ITPRID2: variants seen among roughly 807,000 people sequenced by gnomAD.
ITPRID2 encodes the protein protein ITPRID2.
A neutral mutation model predicts 124.3 loss-of-function variants in ITPRID2; 60 were observed. That is an observed-to-expected ratio of 0.48 (90% CI 0.39 to 0.60). The LOEUF is 0.60. ITPRID2 is among the 20% of genes least tolerant of loss of function. The probability of loss-of-function intolerance (pLI) is 0.00; values close to 1 mark genes in which losing one functional copy is unlikely to be tolerated. For synonymous variants in ITPRID2, 521 were observed against 542.9 expected (o/e 0.96, Z 0.56); for missense variants, 1,553 against 1,512.2 (o/e 1.03, Z -0.45).
rs369300058 is a variant in ITPRID2, at chr2:181,918,840, G to T, written c.2951G>T (p.Arg984Leu). The T allele has an allele frequency of 2.5e-6, 4 of 1,614,056 alleles. No homozygotes were observed. Among genetic ancestry groups the T allele is most frequent in the Non-Finnish European group, 3.4e-6 (4 of 1,180,024 alleles). The change falls in exon 13 of 18, where the codon CGT (arginine) becomes CTT (leucine). Residue 984 changes from arginine (R) to leucine (L), a missense_variant. Transcript: ENST00000431877. ...QMMDLELAML[R>L]QQTMVYHHMT... ...ATGGATTTAGAATTGGCAATGCTGC[G>T]TCAGCAAACCATGGTTTATCATCAT...
At chr2:181,923,600 A>G (rs1166696989) in intron 16 of ITPRID2, among the ~76,000 whole-genome samples, 1 of 152,206 alleles carries the variant, frequency 6.6e-6, no homozygotes. Flanking sequence ...TTTATATCAA[A>G]GATTAGTTTT....
intron 4 of ITPRID2, among the ~76,000 whole-genome samples, chr2:181,898,617 G>A (rs550121011): frequency 2.6e-5 from 4 of 151,808 alleles, no homozygotes; most frequent in East Asian, 1.9e-4. Flanking sequence ...TTCCCTATAC[G>A]TTTTTTTATT....
At chr2:181,926,484 C>T (rs188173030) in intron 16 of ITPRID2, among the ~76,000 whole-genome samples, 168 of 151,986 alleles carry the variant, frequency 1.1e-3, no homozygotes, top group African/African-American at 3.8e-3. Context: ...GAGGCCAAGG[C>T]GGGTGGATCA....
Position 181,930,405 on chromosome 2 carries a change from TCATA to T in ITPRID2, c.*863_*866del, listed in dbSNP as rs1044282605. 6.5e-5 allele frequency: 10 copies of T among 152,684 alleles called. No homozygotes were observed. The highest frequency in any genetic ancestry group is 2.4e-4 in the African/African-American group (10 of 41,574). The allele number at this position is 152,684 out of a possible 1,614,324, so 9.5% of individuals were successfully genotyped here. ...TGGAAGTAATTTAGATTTGTTCTCC[TCATA>T]CATAAAATGATTTTAGTTCAGTTTT... On this transcript the variant is annotated 3_prime_UTR_variant, in exon 18 of 18. Transcript: ENST00000431877.
Position 181,919,361 on chromosome 2 carries a change from T to A in ITPRID2, c.3059T>A (p.Leu1020Gln). The A allele has an allele frequency of 6.2e-7, 1 of 1,614,152 alleles. No individual in the cohort carries two copies. The highest frequency in any genetic ancestry group is 8.5e-7 in the Non-Finnish European group (1 of 1,180,022). Residue 1020 changes from leucine to glutamine, a missense_variant, in exon 14 of 18, where the codon CTG (leucine) becomes CAG (glutamine). By Grantham distance (113) the Leu-to-Gln change is moderately radical (BLOSUM62 -2). Transcript: ENST00000431877. This position sits in a 1 kb window ranked among gnomAD's most constrained non-coding sequence, Gnocchi z 4.2. ...SVRMELQDLE[L>Q]QLEERLLGLE... ...CGAATGGAACTTCAGGACCTGGAAC[T>A]GCAGCTGGAGGAGCGCCTGCTGGGC...
At position 181,892,231 on chromosome 2, in the gene ITPRID2, G is replaced by C. The variant is rs762658909; in HGVS notation, c.165G>C (p.Glu55Asp). The C allele has an allele frequency of 4.5e-6, 7 of 1,550,846 alleles. No homozygotes were observed. In the Admixed American group the frequency reaches 1.2e-4, roughly 26 times the overall value. ...CGACGCAGGACGAGGAGGAGGACGA[G>C]GAGGAGGACCTCCCCGGCGCGCAGC... is the stretch of plus-strand genomic sequence containing the variant. ...EATTQDEEED[E>D]EEDLPGAQLP... The change falls in exon 1 of 18, where the codon GAG (glutamate) becomes GAC (aspartate). Residue 55 changes from glutamate (E) to aspartate (D), a missense_variant. Physicochemically the swap from Glu to Asp is conservative, Grantham distance 45 (BLOSUM62 2). Transcript: ENST00000431877. The surrounding 1 kb of genome is among the most constrained non-coding windows in gnomAD (Gnocchi z 5.2).
rs926507085 is a variant in ITPRID2 at position 181,919,805 on chromosome 2, G to GT, written c.3144+368dup. ...AGAGAACACAGATGCATATTTTGCT[G>GT]TTTTTTTTTCTTTCATGCCTTTAAA... On this transcript the variant is annotated intron_variant, in intron 14 of 17. Coordinates refer to ENST00000431877, the MANE Select transcript of ITPRID2 (RefSeq NM_001130445.3). This position sits in a 1 kb window ranked among gnomAD's most constrained non-coding sequence, Gnocchi z 4.2. Among the ~76,000 whole-genome samples the GT allele has an allele frequency of 1.2e-4, 18 of 149,298 alleles. No homozygotes were observed. The highest frequency in any genetic ancestry group is 2.0e-4 in the Admixed American group (3 of 15,018).
chr2:181,895,292 G>C (rs1481231190), intron 2 of ITPRID2, among the ~76,000 whole-genome samples: 1 of 151,930 alleles, frequency 6.6e-6, no homozygotes, highest in Non-Finnish European at 1.5e-5. Flanking sequence ...AGAATTAAAA[G>C]TGTTTATTTT....
At chr2:181,926,766 TGAA>T (rs1694900650) in intron 16 of ITPRID2, among the ~76,000 whole-genome samples, 1 of 151,280 alleles carries the variant, frequency 6.6e-6, no homozygotes, top group African/African-American at 2.4e-5. Flanking sequence ...TTTTGAGTGA[TGAA>T]GAATAATGAG....
intron 9 of ITPRID2, 143 bp from the exon 10 acceptor site, chr2:181,913,702 T>C: frequency 1.8e-6 from 1 of 545,506 alleles, no homozygotes. Flanking sequence ...TGCATATTTT[T>C]CTAAGAAGCA....
At position 181,898,710 on chromosome 2, in the gene ITPRID2, C is replaced by T. The variant is rs1692412612; in HGVS notation, c.365-170C>T. The T allele has an allele frequency of 4.8e-6, 3 of 620,318 alleles. No homozygotes were observed. The East Asian group carries it at 8.1e-5, about 17-fold the overall frequency. The allele number at this position is 620,318 out of a possible 1,614,324, so 38.4% of individuals were successfully genotyped here. On this transcript the variant is annotated intron_variant, in intron 4 of 17. Transcript: ENST00000431877. ...CAAAAGCTCCTGGCCCTGTTCTTAT[C>T]TATCTGTATATCACTTTTAATAATG...
At chr2:181,918,150 C>T (rs1000308719) in intron 11 of ITPRID2, 4 of 250,254 alleles carry the variant, frequency 1.6e-5, no homozygotes, top group Non-Finnish European at 2.5e-5. Flanking sequence ...CTGGGAATAC[C>T]TTTTATGTTT....
At position 181,896,165 on chromosome 2, in the gene ITPRID2, A is replaced by G. The variant is rs1574198397; in HGVS notation, c.307+86A>G. On this transcript the variant is annotated intron_variant, in intron 3 of 17. Transcript: ENST00000431877. The surrounding 1 kb of genome is among the most constrained non-coding windows in gnomAD (Gnocchi z 4.3). Reference sequence around the variant, plus strand: ...GGGTAAAAGTGTATATATGACTTATAAAAGTGATATTCATGTTTATAGTAT... The same window carrying G: ...GGGTAAAAGTGTATATATGACTTATGAAAGTGATATTCATGTTTATAGTAT... 1 of 1,186,388 alleles carries G rather than the reference A, an allele frequency of 8.4e-7. No homozygotes were observed. Among genetic ancestry groups the G allele is most frequent in the South Asian group, 1.3e-5 (1 of 77,880 alleles). The allele number at this position is 1,186,388 out of a possible 1,614,324, so 73.5% of individuals were successfully genotyped here.
chr2:181,905,055 C>CTTTT lies in ITPRID2; in HGVS notation c.1413+2602_1413+2605dup, dbSNP rs869067212. Among the ~76,000 whole-genome samples, 1 of 136,420 alleles carries CTTTT rather than the reference C, an allele frequency of 7.3e-6. No homozygotes were observed. The highest frequency in any genetic ancestry group is 2.7e-5 in the African/African-American group (1 of 37,006). 89.5% of individuals were successfully genotyped at this position (136,420 alleles called of 152,430 possible). ...ATGAATGTTTATAACGATGTTTTTT[C>CTTTT]TTTTTTTTTTTTTTTTGAGACGGAG... On this transcript the variant is annotated intron_variant, in intron 8 of 17. Transcript: ENST00000431877. This position sits in a 1 kb window ranked among gnomAD's most constrained non-coding sequence, Gnocchi z 4.1.
chr2:181,895,416 A>G (rs1008172890), intron 2 of ITPRID2, among the ~76,000 whole-genome samples: 2 of 152,114 alleles, frequency 1.3e-5, no homozygotes, highest in African/African-American at 4.8e-5. Context: ...AGTAATTTTC[A>G]AAGTTAAATG....
intron 8 of ITPRID2, among the ~76,000 whole-genome samples, chr2:181,908,483 C>T (rs1693333612): frequency 6.6e-6 from 1 of 152,138 alleles, no homozygotes; most frequent in Non-Finnish European, 1.5e-5. Context: ...ACATTGTTCC[C>T]TTGCATACAA....
At chr2:181,922,950 T>G (rs75392813) in intron 16 of ITPRID2, among the ~76,000 whole-genome samples, 5,584 of 152,218 alleles carry the variant, frequency 0.037, 142 homozygotes, top group South Asian at 0.1. Context: ...ATTTTATAAT[T>G]ACAATTGATA....
Position 181,918,868 on chromosome 2 carries a change from G to C in ITPRID2, c.2979G>C (p.Met993Ile), listed in dbSNP as rs760294983. ...LRQQTMVYHH[M>I]TEEERFEVDQ... ...AGCAAACCATGGTTTATCATCATATGACTGAGGAGGAGAGGTAAAAGTTCA... is the reference window on the plus strand; with the variant it reads ...AGCAAACCATGGTTTATCATCATATCACTGAGGAGGAGAGGTAAAAGTTCA... The change falls in exon 13 of 18, where the codon ATG becomes ATC. Residue 993 changes from methionine to isoleucine, a missense_variant. Met to Ile is a conservative substitution (Grantham distance 10). Coordinates refer to ENST00000431877, the MANE Select transcript of ITPRID2 (RefSeq NM_001130445.3). 6.2e-7 allele frequency: 1 copy of C among 1,614,074 alleles called. No homozygotes were observed. The highest frequency in any genetic ancestry group is 8.5e-7 in the Non-Finnish European group (1 of 1,180,018).
intron 8 of ITPRID2, among the ~76,000 whole-genome samples, chr2:181,906,198 C>G (rs910286466): frequency 6.6e-6 from 1 of 152,178 alleles, no homozygotes. Context: ...GAAGCATCCC[C>G]TCCCTCATTT....
Sources: gnomAD v4.1 joint callset for allele counts (sites outside exome capture counted in the v4.1 genomes callset) on GRCh38, gnomAD v4.1.1 for gene constraint, Gnocchi (gnomAD v3.1) non-coding constraint, MANE v1.5 for transcripts, NCBI Gene and HGNC (gene_info 2026-07-23, HGNC 2026-07-21) for gene names.